Variants in PAPSS2 observed in about 807,000 individuals in gnomAD.
PAPSS2 encodes bifunctional 3'-phosphoadenosine 5'-phosphosulfate synthase 2.
Under a neutral mutation model 66.5 loss-of-function variants are expected in PAPSS2, and 61 were observed. That is an observed-to-expected ratio of 0.92 (90% CI 0.75 to 1.14). PAPSS2 has a LOEUF of 1.14. Among genes scored for constraint, PAPSS2 ranks in the 50% most tolerant of loss-of-function variants. The pLI is 0.00. For missense variants in PAPSS2, 708 were observed against 789.6 expected (o/e 0.90, Z 1.24); for synonymous variants, 289 against 287.5 (o/e 1.01, Z -0.05).
At chr10:87,722,073 T>A (rs1853604831) in intron 8 of PAPSS2, among the ~76,000 whole-genome samples, 1 of 152,214 alleles carries the variant, frequency 6.6e-6, no homozygotes, top group South Asian at 2.1e-4. Context: ...ACATTTATGA[T>A]CCTCTTCCAA....
At chr10:87,732,014 C>T (rs1853736291) in intron 9 of PAPSS2, among the ~76,000 whole-genome samples, 1 of 152,200 alleles carries the variant, frequency 6.6e-6, no homozygotes, top group South Asian at 2.1e-4. Flanking sequence ...TGCTATCAAA[C>T]AGCATCTCAT....
chr10:87,671,785 T>C (rs1216240058), intron 1 of PAPSS2, among the ~76,000 whole-genome samples: 11 of 151,968 alleles, frequency 7.2e-5, no homozygotes, highest in Non-Finnish European at 1.2e-4. Flanking sequence ...ATAAAGAAAA[T>C]ACAGATAGGT....
chr10:87,687,331 A>G (rs981861766), intron 1 of PAPSS2, among the ~76,000 whole-genome samples: 1 of 152,248 alleles, frequency 6.6e-6, no homozygotes, highest in Non-Finnish European at 1.5e-5. Flanking sequence ...GTGGGAATAC[A>G]GGCTCCTATA....
rs750670771 is a variant in PAPSS2 at position 87,660,026 on chromosome 10, G to A, written c.27+18G>A. On this transcript the variant is annotated intron_variant, in intron 1 of 12. Coordinates refer to ENST00000456849, the MANE Select transcript of PAPSS2 (RefSeq NM_001015880.2). ...AAAAGACGGTAGGCTTCCAGGCGCC[G>A]GCTTCCCTCCCCGCCACCGCACTGC... 5.9e-5 allele frequency: 95 copies of A among 1,609,676 alleles called. No individual in the cohort carries two copies. The highest frequency in any genetic ancestry group is 2.2e-5 in the East Asian group (1 of 44,752).
intron 1 of PAPSS2, among the ~76,000 whole-genome samples, chr10:87,671,348 T>C (rs754889493): frequency 2.0e-5 from 3 of 152,210 alleles, no homozygotes; most frequent in Admixed American, 6.5e-5. Context: ...TGTTGTGTAA[T>C]CTTTAGAAGA....
intron 1 of PAPSS2, among the ~76,000 whole-genome samples, chr10:87,682,087 T>C (rs974942483): frequency 6.6e-6 from 1 of 152,172 alleles, no homozygotes; most frequent in Non-Finnish European, 1.5e-5. Context: ...ACTTATTTTG[T>C]TTAGAGGAAT....
intron 2 of PAPSS2, among the ~76,000 whole-genome samples, chr10:87,711,261 C>T (rs1413701865): frequency 2.0e-5 from 3 of 152,138 alleles, no homozygotes; most frequent in African/African-American, 4.8e-5. Context: ...ATGGAGGTGT[C>T]GATAGAACTA....
At chr10:87,695,054 C>T (rs993135317) in intron 1 of PAPSS2, among the ~76,000 whole-genome samples, 1 of 152,214 alleles carries the variant, frequency 6.6e-6, no homozygotes, top group African/African-American at 2.4e-5. Flanking sequence ...CAGTTCATAG[C>T]ATCAGGAGGG....
At chr10:87,689,308 C>T (rs546183850) in intron 1 of PAPSS2, among the ~76,000 whole-genome samples, 11 of 150,316 alleles carry the variant, frequency 7.3e-5, no homozygotes, top group African/African-American at 2.4e-4. Flanking sequence ...CCACTGCACC[C>T]CAGCCTAGGC....
At chr10:87,704,200 G>A (rs1853353784) in intron 1 of PAPSS2, among the ~76,000 whole-genome samples, 1 of 152,152 alleles carries the variant, frequency 6.6e-6, no homozygotes, top group Non-Finnish European at 1.5e-5. Flanking sequence ...CCATCCGAAA[G>A]TATTTATTTA....
intron 9 of PAPSS2, among the ~76,000 whole-genome samples, chr10:87,733,633 A>G (rs1046810332): frequency 2.0e-5 from 3 of 152,148 alleles, no homozygotes; most frequent in African/African-American, 7.2e-5. Flanking sequence ...CCATGACTGG[A>G]TCCCATCCTC....
chr10:87,679,933 G>A (rs1162358344), intron 1 of PAPSS2, among the ~76,000 whole-genome samples: 2 of 151,830 alleles, frequency 1.3e-5, no homozygotes, highest in African/African-American at 4.8e-5. Context: ...GGCTGAGGTG[G>A]GAGTATCGCT....
intron 2 of PAPSS2, among the ~76,000 whole-genome samples, chr10:87,711,694 A>G (rs900394269): frequency 1.3e-4 from 20 of 152,204 alleles, no homozygotes; most frequent in African/African-American, 4.6e-4. Context: ...GCATGACTTT[A>G]AAATATAACT....
In PAPSS2 at chr10:87,746,816, A is replaced by C. The variant is rs1408815567; in HGVS notation, c.*846A>C. 1 of 152,244 alleles carries C rather than the reference A, an allele frequency of 6.6e-6. No individual in the cohort carries two copies. Among genetic ancestry groups the C allele is most frequent in the African/African-American group, 2.4e-5 (1 of 41,466 alleles). 9.4% of individuals were successfully genotyped at this position (152,244 alleles called of 1,614,324 possible). A position where few individuals can be genotyped will look rare whatever the true frequency, so the allele number is the denominator to read the frequency against. On this transcript the variant is annotated 3_prime_UTR_variant, in exon 13 of 13. Transcript: ENST00000456849. Reference sequence around the variant, plus strand: ...GCAGCAGCAGCGCCAGCTGTAATAAAAAATAATTCACACTATCAGACTAGC... The same window carrying C: ...GCAGCAGCAGCGCCAGCTGTAATAACAAATAATTCACACTATCAGACTAGC...
chr10:87,733,941 C>T (rs1298061551), intron 9 of PAPSS2, among the ~76,000 whole-genome samples: 1 of 152,014 alleles, frequency 6.6e-6, no homozygotes, highest in African/African-American at 2.4e-5. Context: ...CTCTCTTCTC[C>T]CCTTGTCCAT....
rs1249712025 is a variant in PAPSS2, at chr10:87,746,637, C to T, written c.*667C>T. 6.6e-6 allele frequency: 1 copy of T among 152,138 alleles called. No individual in the cohort carries two copies. Among genetic ancestry groups the T allele is most frequent in the East Asian group, 1.9e-4 (1 of 5,190 alleles). The allele number at this position is 152,138 out of a possible 1,614,324, so 9.4% of individuals were successfully genotyped here. A position where few individuals can be genotyped will look rare whatever the true frequency, so the allele number is the denominator to read the frequency against. On this transcript the variant is annotated 3_prime_UTR_variant, in exon 13 of 13. Transcript: ENST00000456849. ...GTCTAATAAGAGAAGTCTTAATGGCCTCTGTGAATAATGTAACTCCAGTTA... is the reference window on the plus strand; with the variant it reads ...GTCTAATAAGAGAAGTCTTAATGGCTTCTGTGAATAATGTAACTCCAGTTA...
chr10:87,731,107 A>C (rs1341702578), intron 9 of PAPSS2, among the ~76,000 whole-genome samples: 2 of 152,202 alleles, frequency 1.3e-5, no homozygotes, highest in Non-Finnish European at 2.9e-5. Flanking sequence ...GCTTCAAAGG[A>C]CAGGCTAACT....
At chr10:87,740,562 T>A (rs963713111) in intron 9 of PAPSS2, among the ~76,000 whole-genome samples, 2 of 152,236 alleles carry the variant, frequency 1.3e-5, no homozygotes, top group African/African-American at 4.8e-5. Context: ...TAACAGAGTA[T>A]GAGAAGTGCA....
chr10:87,734,686 T>A, intron 9 of PAPSS2, among the ~76,000 whole-genome samples: 1 of 126,070 alleles, frequency 7.9e-6, no homozygotes, highest in Admixed American at 7.9e-5. Flanking sequence ...TATATATATA[T>A]ATATATATAT....
Sources: allele counts gnomAD v4.1 joint callset (sites outside exome capture counted in the v4.1 genomes callset), GRCh38; gene constraint gnomAD v4.1.1; transcripts MANE v1.5; gene names NCBI Gene and HGNC (gene_info 2026-07-23, HGNC 2026-07-21).